The following SLC71A2 variants were observed in gnomAD, a reference collection of about 807,000 sequenced individuals.
SLC71A2 encodes solute carrier family 71 member 2.
the SLC71A2 span, chr9:94,374,908 A>G: frequency 1.2e-5 from 15 of 1,267,744 alleles, no homozygotes; most frequent in Non-Finnish European, 1.4e-5. Flanking sequence ...GCGGGCGCGC[A>G]GGCCGCGGGG....
chr9:94,457,854 G>GAGATATTT, the SLC71A2 span, among the ~76,000 whole-genome samples: 199 of 152,340 alleles, frequency 1.3e-3, 2 homozygotes, highest in Middle Eastern at 3.4e-3. Context: ...TTAGAAAGCA[G>GAGATATTT]AGATATTTAG....
the SLC71A2 span, among the ~76,000 whole-genome samples, chr9:94,391,508 A>T: frequency 2.6e-5 from 4 of 151,882 alleles, no homozygotes; most frequent in African/African-American, 4.8e-5. Context: ...TAGAGAAGTC[A>T]GGAGGAGAAA....
At chr9:94,452,731 TATTA>T in the SLC71A2 span, among the ~76,000 whole-genome samples, 1 of 100,010 alleles carries the variant, frequency 1.0e-5, no homozygotes, top group African/African-American at 2.8e-5. Context: ...ATATAATAGA[TATTA>T]TATATAAATA....
chr9:94,381,028 A>C, the SLC71A2 span, among the ~76,000 whole-genome samples: 1 of 65,672 alleles, frequency 1.5e-5, no homozygotes, highest in East Asian at 4.7e-4. Context: ...ATTGGCTTGA[A>C]TTTTCTTCCC....
the SLC71A2 span, among the ~76,000 whole-genome samples, chr9:94,383,562 G>C: frequency 1.3e-5 from 2 of 151,966 alleles, no homozygotes; most frequent in Non-Finnish European, 2.9e-5. Context: ...TCAGTACCCT[G>C]CAGTCTTGAT....
chr9:94,426,077 C>A, the SLC71A2 span, among the ~76,000 whole-genome samples: 69,625 of 140,382 alleles, frequency 0.5, 17,744 homozygotes, highest in Admixed American at 0.58. Context: ...GGTTATAGGC[C>A]CTCTTGCTCT....
chr9:94,440,657 T>TAC, the SLC71A2 span, among the ~76,000 whole-genome samples: 1 of 152,234 alleles, frequency 6.6e-6, no homozygotes, highest in African/African-American at 2.4e-5. Flanking sequence ...TTTCCTTACT[T>TAC]ACAGCTAGGA....
At chr9:94,402,795 A>G in the SLC71A2 span, among the ~76,000 whole-genome samples, 1 of 152,202 alleles carries the variant, frequency 6.6e-6, no homozygotes, top group Non-Finnish European at 1.5e-5. Flanking sequence ...AAGTTCACTT[A>G]TATTTTCTCC....
chr9:94,377,059 GTAGA>G, the SLC71A2 span, among the ~76,000 whole-genome samples: 3 of 143,178 alleles, frequency 2.1e-5, no homozygotes, highest in Non-Finnish European at 4.5e-5. Flanking sequence ...GGTGTTTGCT[GTAGA>G]TAGTGAGAAG....
chr9:94,408,407 A>G, the SLC71A2 span, among the ~76,000 whole-genome samples: 2 of 152,190 alleles, frequency 1.3e-5, no homozygotes, highest in Non-Finnish European at 1.5e-5. Flanking sequence ...GGGGGCAACT[A>G]CTGTAATGCT....
the SLC71A2 span, among the ~76,000 whole-genome samples, chr9:94,407,381 CTTT>C: frequency 7.1e-6 from 1 of 139,876 alleles, no homozygotes. Context: ...CTGTAGTTTT[CTTT>C]TTTTTTTTTT....
chr9:94,401,695 C>T, the SLC71A2 span, among the ~76,000 whole-genome samples: 2 of 152,110 alleles, frequency 1.3e-5, no homozygotes, highest in African/African-American at 4.8e-5. Flanking sequence ...CTCTCATGGT[C>T]TCAAGATGGC....
chr9:94,391,590 C>T, the SLC71A2 span, among the ~76,000 whole-genome samples: 26 of 151,516 alleles, frequency 1.7e-4, no homozygotes, highest in South Asian at 8.4e-4. Flanking sequence ...GATGTGAACT[C>T]TTTAAAAAAT....
the SLC71A2 span, chr9:94,454,117 T>C: frequency 7.5e-7 from 1 of 1,328,362 alleles, no homozygotes; most frequent in Non-Finnish European, 1.1e-6. Context: ...CAGATGCCTC[T>C]TAGAGGAGCT....
the SLC71A2 span, among the ~76,000 whole-genome samples, chr9:94,439,301 G>A: frequency 4.4e-4 from 59 of 134,880 alleles, no homozygotes; most frequent in African/African-American, 1.5e-3. Flanking sequence ...GCCACAGTGC[G>A]CAGCCCAATT....
At chr9:94,390,369 G>A in the SLC71A2 span, among the ~76,000 whole-genome samples, 2 of 149,194 alleles carry the variant, frequency 1.3e-5, no homozygotes, top group Non-Finnish European at 3.0e-5. Flanking sequence ...GTAGAGTAAG[G>A]TGCTTTTCAT....
chr9:94,454,014 T>C, the SLC71A2 span: 1 of 1,614,206 alleles, frequency 6.2e-7, no homozygotes. Context: ...CTGTCCTCCT[T>C]GGCTTGGGCT....
chr9:94,406,905 C>G, the SLC71A2 span, among the ~76,000 whole-genome samples: 2 of 152,076 alleles, frequency 1.3e-5, no homozygotes, highest in African/African-American at 2.4e-5. Context: ...CTTTTTCTTG[C>G]CGTATTACTC....
At chr9:94,457,823 G>GCTAA in the SLC71A2 span, among the ~76,000 whole-genome samples, 1 of 152,212 alleles carries the variant, frequency 6.6e-6, no homozygotes, top group African/African-American at 2.4e-5. Context: ...TACAGTTCAA[G>GCTAA]CTAACTTTTT....
Sources: allele counts gnomAD v4.1 joint callset (sites outside exome capture counted in the v4.1 genomes callset), GRCh38; gene constraint gnomAD v4.1.1; transcripts MANE v1.5; gene names NCBI Gene and HGNC (gene_info 2026-07-23, HGNC 2026-07-21).